The following PRUNE2 variants were observed in gnomAD, a reference collection of about 807,000 sequenced individuals.
The protein encoded by PRUNE2 is prune homolog 2 with BCH domain.
In PRUNE2, 164 loss-of-function variants were observed where a neutral mutation model predicts 252.0. The observed-to-expected ratio is 0.65, with a 90% CI of 0.57 to 0.74. The LOEUF is 0.74. Ranked by LOEUF, PRUNE2 falls within the 30% of genes least tolerant of loss-of-function variation. The pLI, the probability that PRUNE2 is intolerant of heterozygous loss-of-function variation, is 0.00. For missense variants in PRUNE2, 3,495 were observed against 3,711.0 expected, an observed-to-expected ratio of 0.94 and a Z score of 1.51; for synonymous variants, 1,292 against 1,350.2, an observed-to-expected ratio of 0.96 and a Z score of 0.94.
At chr9:76,885,847 A>AT (rs59132509) in intron 1 of PRUNE2, among the ~76,000 whole-genome samples, 8,201 of 151,266 alleles carry the variant, frequency 0.054, 731 homozygotes, top group African/African-American at 0.19. Context: ...TATTTAGTGA[A>AT]TTTTTTTTTT....
intron 1 of PRUNE2, among the ~76,000 whole-genome samples, chr9:76,891,863 T>C (rs1388850403): frequency 3.9e-5 from 6 of 152,214 alleles, no homozygotes; most frequent in Non-Finnish European, 5.9e-5. Context: ...CCTTGTTCTT[T>C]TCATTTGTGA....
intron 6 of PRUNE2, chr9:76,780,060 T>G (rs944086418): frequency 6.6e-6 from 1 of 152,232 alleles, no homozygotes; most frequent in Non-Finnish European, 1.5e-5. Flanking sequence ...ACTGGTATTT[T>G]CTTAAGGATT....
intron 6 of PRUNE2, among the ~76,000 whole-genome samples, chr9:76,812,589 T>C (rs1281743321): frequency 1.3e-5 from 2 of 152,234 alleles, no homozygotes; most frequent in Admixed American, 6.5e-5. Context: ...ACACAAATGA[T>C]TGGCATGCTA....
At chr9:76,760,902 A>G (rs953569507) in intron 6 of PRUNE2, among the ~76,000 whole-genome samples, 1 of 152,064 alleles carries the variant, frequency 6.6e-6, no homozygotes, top group Admixed American at 6.6e-5. Context: ...CCTGGCCAAC[A>G]CTGCGAAACT....
intron 17 of PRUNE2, among the ~76,000 whole-genome samples, chr9:76,621,976 T>G (rs1832531914): frequency 6.6e-6 from 1 of 152,004 alleles, no homozygotes; most frequent in Non-Finnish European, 1.5e-5. Context: ...CTGAGCAACC[T>G]CACCTGGCCA....
At chr9:76,686,902 C>CA (rs2044156899) in intron 9 of PRUNE2, among the ~76,000 whole-genome samples, 1 of 152,004 alleles carries the variant, frequency 6.6e-6, no homozygotes, top group African/African-American at 2.4e-5. Context: ...CTGGCTAAGG[C>CA]ATTTTTTGAA....
At chr9:76,621,177 C>A (rs80284730) in intron 17 of PRUNE2, among the ~76,000 whole-genome samples, 1 of 152,238 alleles carries the variant, frequency 6.6e-6, no homozygotes, top group Non-Finnish European at 1.5e-5. Flanking sequence ...TTTGGTTAGA[C>A]CTAGCCTGAA....
chr9:76,633,388 C>T (rs377009110), intron 15 of PRUNE2, among the ~76,000 whole-genome samples: 3 of 151,452 alleles, frequency 2.0e-5, no homozygotes, highest in Non-Finnish European at 2.9e-5. Flanking sequence ...CAAGACCAGC[C>T]GGGGAAACAT....
chr9:76,623,954 T>C (rs143344753), intron 17 of PRUNE2, among the ~76,000 whole-genome samples: 84 of 152,378 alleles, frequency 5.5e-4, no homozygotes, highest in Non-Finnish European at 1.0e-3. Flanking sequence ...CTTTTGTTTT[T>C]CTATTCATCA....
intron 1 of PRUNE2, among the ~76,000 whole-genome samples, chr9:76,877,231 G>T (rs117062701): frequency 1.3e-5 from 2 of 151,710 alleles, no homozygotes; most frequent in Admixed American, 1.3e-4. Context: ...CAGACCTGGC[G>T]CGGTGCCTCA....
chr9:76,755,365 A>G (rs576748727), intron 6 of PRUNE2, among the ~76,000 whole-genome samples: 2 of 152,144 alleles, frequency 1.3e-5, no homozygotes, highest in African/African-American at 2.4e-5. Context: ...AAACCGATGG[A>G]GAGAGAGAAT....
At chr9:76,644,939 G>A (rs1443759789) in intron 11 of PRUNE2, 30 bp from the exon 12 acceptor site, 1 of 1,598,698 alleles carries the variant, frequency 6.3e-7, no homozygotes, top group Non-Finnish European at 8.5e-7. Context: ...GAGCAAGGCT[G>A]AAGGAGCAAG....
intron 6 of PRUNE2, among the ~76,000 whole-genome samples, chr9:76,777,289 G>A (rs1177572791): frequency 6.6e-6 from 1 of 152,156 alleles, no homozygotes; most frequent in African/African-American, 2.4e-5. Context: ...TTCTCAGACT[G>A]CCCTGTTCTC....
intron 6 of PRUNE2, among the ~76,000 whole-genome samples, chr9:76,717,968 C>G (rs1404431149): frequency 4.6e-5 from 7 of 152,120 alleles, no homozygotes; most frequent in African/African-American, 9.7e-5. Flanking sequence ...GGAGAAAAAG[C>G]CTTTGTTATT....
intron 6 of PRUNE2, among the ~76,000 whole-genome samples, chr9:76,731,275 C>CCT (rs769194090): frequency 0.013 from 1,734 of 131,318 alleles, 37 homozygotes; most frequent in African/African-American, 0.049. Context: ...ACATATATTC[C>CCT]CTCTCTCTAT....
Position 76,614,740 on chromosome 9 carries a change from G to T in PRUNE2, c.9237-140C>A, listed in dbSNP as rs1039551696. On this transcript the variant is annotated intron_variant, in intron 18 of 18. Transcript: ENST00000376718. ...TAAATCATGCAAGTTTCTTATAATAGAAAAATCTGGTAAAACCCAATCCTC... is the reference window on the plus strand; with the variant it reads ...TAAATCATGCAAGTTTCTTATAATATAAAAATCTGGTAAAACCCAATCCTC... 3 of 655,050 alleles carry T rather than the reference G, an allele frequency of 4.6e-6. No homozygotes were observed. The South Asian group carries it at 6.2e-5, about 14-fold the overall frequency. The allele number at this position is 655,050 out of a possible 1,614,324, so 40.6% of individuals were successfully genotyped here.
chr9:76,793,228 T>C (rs10781380), intron 6 of PRUNE2, among the ~76,000 whole-genome samples: 49,629 of 152,060 alleles, frequency 0.33, 8,932 homozygotes, highest in African/African-American at 0.48. Context: ...GAGATATGTA[T>C]ACAAAGAGTT....
intron 6 of PRUNE2, among the ~76,000 whole-genome samples, chr9:76,818,392 G>A (rs1478707010): frequency 1.3e-5 from 2 of 152,126 alleles, no homozygotes; most frequent in Non-Finnish European, 2.9e-5. Context: ...GTGATCTTGG[G>A]AATTCATTCT....
chr9:76,754,827 A>G (rs919798887), intron 6 of PRUNE2, among the ~76,000 whole-genome samples: 13 of 151,918 alleles, frequency 8.6e-5, no homozygotes, highest in Admixed American at 7.2e-4. Flanking sequence ...TTAGCTGGGC[A>G]TGTTGGCACA....
Sources: allele counts gnomAD v4.1 joint callset (sites outside exome capture counted in the v4.1 genomes callset), GRCh38; gene constraint gnomAD v4.1.1; transcripts MANE v1.5; gene names NCBI Gene and HGNC (gene_info 2026-07-23, HGNC 2026-07-21).